MDFIC2: variants seen among roughly 807,000 people sequenced by gnomAD.
The protein encoded by MDFIC2 is MyoD family inhibitor domain containing 2, also known as myoD family inhibitor domain-containing protein 2.
At chr3:70,255,165 T>C (rs115050406) in intron 2 of MDFIC2, among the ~76,000 whole-genome samples, 2,348 of 152,308 alleles carry the variant, frequency 0.015, 58 homozygotes, top group African/African-American at 0.055. Flanking sequence ...ATCAAAGAAG[T>C]TAATTTGATT....
At chr3:70,205,516 T>A (rs1701281403) in intron 3 of MDFIC2, 1 of 152,150 alleles carries the variant, frequency 6.6e-6, no homozygotes, top group Admixed American at 6.6e-5. Context: ...GAGTACCTTC[T>A]GTGTACCAAC....
rs151242413 is a variant in MDFIC2 at position 70,280,338 on chromosome 3, T to C, written c.88+31548A>G. Among the ~76,000 whole-genome samples, 85 of 152,268 alleles carry C rather than the reference T, an allele frequency of 5.6e-4. No individual in the cohort carries two copies. The East Asian group carries it at 0.016, about 28-fold the overall frequency. ...TCAGTCACATCTACGAAGACCCTTT[T>C]TCCTTAAGAGGTAATATGTACAGGT... On this transcript the variant is annotated intron_variant, in intron 2 of 3. Transcript: ENST00000567252.
At chr3:70,220,278 TCTTGAGG>T (rs2106736216) in intron 2 of MDFIC2, among the ~76,000 whole-genome samples, 1 of 152,164 alleles carries the variant, frequency 6.6e-6, no homozygotes, top group African/African-American at 2.4e-5. Context: ...AAAAAAACTT[TCTTGAGG>T]CTAGGCTCAG....
At chr3:70,299,837 C>T (rs750462841) in intron 2 of MDFIC2, among the ~76,000 whole-genome samples, 1 of 152,014 alleles carries the variant, frequency 6.6e-6, no homozygotes, top group Non-Finnish European at 1.5e-5. Context: ...TTATGGCTTC[C>T]CTTTGTTTAA....
At chr3:70,260,719 C>A (rs1172478216) in intron 2 of MDFIC2, among the ~76,000 whole-genome samples, 2 of 152,114 alleles carry the variant, frequency 1.3e-5, no homozygotes, top group African/African-American at 2.4e-5. Flanking sequence ...TATAACTTAT[C>A]CCTCCCCTTT....
intron 2 of MDFIC2, among the ~76,000 whole-genome samples, chr3:70,267,563 C>T (rs1420701863): frequency 2.1e-5 from 3 of 143,018 alleles, no homozygotes; most frequent in African/African-American, 5.1e-5. Context: ...CCACCATGCC[C>T]GGCTAATTTT....
chr3:70,242,320 C>G (rs1314429472), intron 2 of MDFIC2, among the ~76,000 whole-genome samples: 1 of 152,152 alleles, frequency 6.6e-6, no homozygotes, highest in Non-Finnish European at 1.5e-5. Context: ...TAGTGACATC[C>G]TCTTGATCTT....
intron 2 of MDFIC2, chr3:70,292,183 G>C (rs753862801): frequency 1.3e-5 from 2 of 152,140 alleles, no homozygotes; most frequent in Non-Finnish European, 2.9e-5. Flanking sequence ...CTGAATTCAA[G>C]CTTCCCTTTA....
At chr3:70,247,555 G>T (rs991833817) in intron 2 of MDFIC2, among the ~76,000 whole-genome samples, 2 of 151,532 alleles carry the variant, frequency 1.3e-5, no homozygotes, top group African/African-American at 4.8e-5. Flanking sequence ...CCAATTTTTT[G>T]ATCACATATC....
chr3:70,235,482 T>C (rs577590302), intron 2 of MDFIC2, among the ~76,000 whole-genome samples: 1 of 152,340 alleles, frequency 6.6e-6, no homozygotes, highest in South Asian at 2.1e-4. Context: ...TAAATAATTG[T>C]TGAATGAATG....
At chr3:70,301,440 T>C (rs562659507) in intron 2 of MDFIC2, among the ~76,000 whole-genome samples, 2 of 152,212 alleles carry the variant, frequency 1.3e-5, no homozygotes. Context: ...ACAGGATGTG[T>C]TGCTGATATT....
intron 2 of MDFIC2, among the ~76,000 whole-genome samples, chr3:70,256,234 A>G (rs1701814957): frequency 6.6e-6 from 1 of 152,250 alleles, no homozygotes; most frequent in Non-Finnish European, 1.5e-5. Flanking sequence ...TCTAATAAAA[A>G]TGAAGCCACT....
intron 2 of MDFIC2, among the ~76,000 whole-genome samples, chr3:70,237,819 A>G (rs772938588): frequency 1.3e-5 from 2 of 152,184 alleles, no homozygotes; most frequent in African/African-American, 2.4e-5. Flanking sequence ...GGACAAAGGC[A>G]GAGTATTTTT....
At position 70,195,944 on chromosome 3, in the gene MDFIC2, A is replaced by G. The variant is rs1439556726; in HGVS notation, c.*982T>C. Among the ~76,000 whole-genome samples the G allele has an allele frequency of 2.6e-5, 4 of 152,200 alleles. No homozygotes were observed. The highest frequency in any genetic ancestry group is 2.6e-4 in the Admixed American group (4 of 15,280). On this transcript the variant is annotated 3_prime_UTR_variant, in exon 4 of 4. Coordinates refer to ENST00000567252, the MANE Select transcript of MDFIC2 (RefSeq NM_001364677.1). ...TAAGTACTTGACATAATTATTGATC[A>G]CTTTAATTATCAGACAAAGAAAAAC...
chr3:70,240,149 C>T (rs552244846), intron 2 of MDFIC2, among the ~76,000 whole-genome samples: 9 of 151,882 alleles, frequency 5.9e-5, no homozygotes, highest in African/African-American at 9.7e-5. Flanking sequence ...AAATAAGAGA[C>T]GTATTTTAAA....
At chr3:70,220,130 A>T (rs1701448914) in intron 2 of MDFIC2, among the ~76,000 whole-genome samples, 1 of 152,200 alleles carries the variant, frequency 6.6e-6, no homozygotes, top group South Asian at 2.1e-4. Flanking sequence ...TACAAAACTA[A>T]GCATCAGAAA....
chr3:70,292,727 TCA>T (rs200769605), intron 2 of MDFIC2, among the ~76,000 whole-genome samples: 9 of 151,486 alleles, frequency 5.9e-5, no homozygotes, highest in African/African-American at 1.5e-4. Flanking sequence ...AGATCTTTGA[TCA>T]CACACACACA....
intron 2 of MDFIC2, 22 bp from the exon 3 acceptor site, chr3:70,206,812 A>G (rs761432165): frequency 5.0e-6 from 2 of 397,386 alleles, no homozygotes; most frequent in Non-Finnish European, 8.9e-6. Flanking sequence ...AAGAAAAAAC[A>G]CATACAGAAA....
chr3:70,242,825 G>C (rs1701675407), intron 2 of MDFIC2, among the ~76,000 whole-genome samples: 1 of 152,098 alleles, frequency 6.6e-6, no homozygotes, highest in South Asian at 2.1e-4. Context: ...TTTTTGTCTG[G>C]TGGGTGGCTG....
Sources: gnomAD v4.1 joint callset for allele counts (sites outside exome capture counted in the v4.1 genomes callset) on GRCh38, gnomAD v4.1.1 for gene constraint, MANE v1.5 for transcripts, NCBI Gene and HGNC (gene_info 2026-07-23, HGNC 2026-07-21) for gene names.